The following DLG2 variants were observed in gnomAD, a reference collection of about 807,000 sequenced individuals.
DLG2 encodes discs large MAGUK scaffold protein 2.
In DLG2, 45 loss-of-function variants were observed where a neutral mutation model predicts 132.5. The observed-to-expected ratio is 0.34, with a 90% CI of 0.27 to 0.44. The LOEUF is 0.44. Among genes scored for constraint, DLG2 ranks in the 20% least tolerant of loss-of-function variants. DLG2 has a pLI of 1.00. For missense variants in DLG2, 1,045 were observed against 1,196.9 expected, an observed-to-expected ratio of 0.87 and a Z score of 1.87; for synonymous variants, 424 against 419.6, an observed-to-expected ratio of 1.01 and a Z score of -0.13.
At chr11:83,736,387 C>G (rs181539312) in intron 18 of DLG2, among the ~76,000 whole-genome samples, 213 of 152,120 alleles carry the variant, frequency 1.4e-3, no homozygotes, top group African/African-American at 4.9e-3. Context: ...AGCCAGATGG[C>G]CTGACCAAGT....
rs146326409 is a variant in DLG2 at position 83,848,020 on chromosome 11, C to G, written c.1566-14250G>C. Among the ~76,000 whole-genome samples, 3 of 151,874 alleles carry G rather than the reference C, an allele frequency of 2.0e-5. No individual in the cohort carries two copies. The East Asian group carries it at 5.8e-4, about 29-fold the overall frequency. On this transcript the variant is annotated intron_variant, in intron 16 of 27. Transcript: ENST00000376104. ...TGTGATGGAGAAACTTAATTCTCCT[C>G]TTTTTCCTTTCCTCTAGCTCTTTCT...
At chr11:83,758,533 T>C (rs1020498341) in intron 18 of DLG2, among the ~76,000 whole-genome samples, 11 of 152,176 alleles carry the variant, frequency 7.2e-5, no homozygotes, top group African/African-American at 2.7e-4. Flanking sequence ...GAGTTGTATG[T>C]GAAACCCAGC....
intron 7 of DLG2, among the ~76,000 whole-genome samples, chr11:84,272,892 A>G (rs977112078): frequency 3.9e-5 from 6 of 152,164 alleles, no homozygotes; most frequent in Non-Finnish European, 8.8e-5. Flanking sequence ...ACATGCCACT[A>G]TTAGAAACTA....
chr11:83,874,507 G>A lies in DLG2; in HGVS notation c.1497-19C>T, dbSNP rs765272286. 1 of 1,568,588 alleles carries A rather than the reference G, an allele frequency of 6.4e-7. No individual in the cohort carries two copies. Among genetic ancestry groups the A allele is most frequent in the Non-Finnish European group, 8.7e-7 (1 of 1,154,288 alleles). On this transcript the variant is annotated intron_variant, in intron 15 of 27. Transcript: ENST00000376104. The stretch of plus-strand genomic sequence containing the variant: ...GGAATGACTGCAAGAAAAGACAGAA[G>A]AAACACACATCATTTATTTATTTTT...
intron 15 of DLG2, among the ~76,000 whole-genome samples, chr11:83,929,892 T>C: frequency 1.3e-5 from 2 of 152,362 alleles, no homozygotes; most frequent in South Asian, 4.1e-4. Context: ...TTAGTTAAAA[T>C]ATTAAATGAT....
intron 18 of DLG2, among the ~76,000 whole-genome samples, chr11:83,730,168 A>G (rs1478316418): frequency 1.7e-5 from 1 of 59,816 alleles, no homozygotes; most frequent in Non-Finnish European, 3.0e-5. Context: ...TTTTTTTTTT[A>G]CAATGTTAAG....
intron 6 of DLG2, among the ~76,000 whole-genome samples, chr11:84,991,839 A>G (rs2154125718): frequency 6.6e-6 from 1 of 152,326 alleles, no homozygotes; most frequent in South Asian, 2.1e-4. Flanking sequence ...AAGCTGTTAT[A>G]TGTATCATCT....
At chr11:83,693,226 G>C (rs2081292852) in intron 18 of DLG2, among the ~76,000 whole-genome samples, 1 of 152,174 alleles carries the variant, frequency 6.6e-6, no homozygotes, top group African/African-American at 2.4e-5. Flanking sequence ...ATTCACTGTA[G>C]ATTGGCTGAC....
At position 85,341,313 on chromosome 11, in the gene DLG2, G is replaced by C. The variant is rs59869002; in HGVS notation, c.41-55948C>G. ...TTTTTTGTATTTTTAGTAGACACAGGGTTTCACCGTGTTAGCCAAGATGGT... is the reference window on the plus strand; with the variant it reads ...TTTTTTGTATTTTTAGTAGACACAGCGTTTCACCGTGTTAGCCAAGATGGT... On this transcript the variant is annotated intron_variant, in intron 3 of 27. Transcript: ENST00000376104. 6.2e-3 allele frequency among the ~76,000 whole-genome samples: 941 copies of C among 152,154 alleles called. 28 individuals are homozygous for C. In the East Asian group the frequency reaches 0.091, roughly 15 times the overall value.
Position 85,244,328 on chromosome 11 carries a change from G to A in DLG2, c.186+40892C>T, listed in dbSNP as rs114005273. On this transcript the variant is annotated intron_variant, in intron 4 of 27. Coordinates refer to ENST00000376104, the MANE Select transcript of DLG2 (RefSeq NM_001142699.3). ...ATTGGCTAGTGGTGAAAGTTTATGC[G>A]AGGAAAGGAAAAGCTAAGTGATGTG... 2.1e-3 allele frequency among the ~76,000 whole-genome samples: 323 copies of A among 152,006 alleles called. 3 individuals are homozygous for A. The highest frequency in any genetic ancestry group is 0.01 in the Middle Eastern group (3 of 294).
intron 6 of DLG2, among the ~76,000 whole-genome samples, chr11:85,054,037 C>T (rs937158885): frequency 1.7e-4 from 26 of 151,518 alleles, no homozygotes; most frequent in African/African-American, 4.4e-4. Flanking sequence ...GAGGCTGAGG[C>T]GGGTGGATCA....
chr11:85,047,245 A>G (rs532285923), intron 6 of DLG2, among the ~76,000 whole-genome samples: 1 of 152,104 alleles, frequency 6.6e-6, no homozygotes, highest in African/African-American at 2.4e-5. Flanking sequence ...ATTTTAGTGC[A>G]TATCTTAATT....
intron 6 of DLG2, among the ~76,000 whole-genome samples, chr11:84,989,722 T>G (rs760997371): frequency 1.3e-5 from 2 of 152,228 alleles, no homozygotes; most frequent in African/African-American, 2.4e-5. Flanking sequence ...ATTCAAGATT[T>G]ACTACATAGC....
chr11:84,272,680 A>C (rs1323623140), intron 7 of DLG2, among the ~76,000 whole-genome samples: 1 of 152,210 alleles, frequency 6.6e-6, no homozygotes, highest in African/African-American at 2.4e-5. Context: ...TTTACTAAAG[A>C]AGCAATTATA....
At chr11:83,778,700 CCTT>C (rs986254155) in intron 18 of DLG2, among the ~76,000 whole-genome samples, 35 of 152,044 alleles carry the variant, frequency 2.3e-4, no homozygotes, top group African/African-American at 7.0e-4. Context: ...CTGCTTTTGT[CCTT>C]ATTATATTAC....
chr11:83,950,295 T>TA (rs1254585024), intron 14 of DLG2, among the ~76,000 whole-genome samples: 8 of 152,184 alleles, frequency 5.3e-5, no homozygotes, highest in Non-Finnish European at 1.0e-4. Context: ...ATATTGTTTG[T>TA]AAAAAATACA....
chr11:85,010,406 T>C (rs918962523), intron 6 of DLG2, among the ~76,000 whole-genome samples: 1 of 152,088 alleles, frequency 6.6e-6, no homozygotes, highest in Non-Finnish European at 1.5e-5. Flanking sequence ...GCACAGTTTG[T>C]TCAGTCTCCT....
At chr11:84,446,440 G>T (rs555690594) in intron 7 of DLG2, among the ~76,000 whole-genome samples, 1 of 152,170 alleles carries the variant, frequency 6.6e-6, no homozygotes, top group South Asian at 2.1e-4. Flanking sequence ...TCTTTAGAAA[G>T]ATTATAGTTT....
At chr11:85,391,252 C>A (rs569248365) in intron 3 of DLG2, among the ~76,000 whole-genome samples, 3 of 151,954 alleles carry the variant, frequency 2.0e-5, no homozygotes, top group Non-Finnish European at 4.4e-5. Context: ...GAAATAGAAA[C>A]TCTGAACAGG....
Sources: allele counts gnomAD v4.1 joint callset (sites outside exome capture counted in the v4.1 genomes callset), GRCh38; gene constraint gnomAD v4.1.1; transcripts MANE v1.5; gene names NCBI Gene and HGNC (gene_info 2026-07-23, HGNC 2026-07-21).